PCSK1N: variants seen among roughly 807,000 people sequenced by gnomAD.
PCSK1N encodes proSAAS.
A neutral mutation model predicts 10.6 loss-of-function variants in PCSK1N; 8 were observed. That is an observed-to-expected ratio of 0.76 (90% CI 0.44 to 1.37). PCSK1N has a LOEUF of 1.37. Ranked by LOEUF, PCSK1N falls within the 40% of genes most tolerant of loss-of-function variation. The pLI is 0.00. For missense variants in PCSK1N, 301 were observed against 268.5 expected, an observed-to-expected ratio of 1.12 and a Z score of -0.84; for synonymous variants, 143 against 137.1, an observed-to-expected ratio of 1.04 and a Z score of -0.30.
chrX:48,832,987 T>C (rs1020688402), intron 1 of PCSK1N, among the ~76,000 whole-genome samples: 4 of 111,856 alleles, frequency 3.6e-5, no homozygotes, highest in Admixed American at 1.9e-4. Flanking sequence ...ACACAGAAGA[T>C]ACAGAGAATT....
intron 1 of PCSK1N, among the ~76,000 whole-genome samples, chrX:48,834,314 A>T (rs1250320134): frequency 9.0e-6 from 1 of 111,234 alleles, no homozygotes; most frequent in African/African-American, 3.3e-5. Context: ...GTTTTTTTTA[A>T]TTCCCATCTT....
chrX:48,832,862 G>A (rs2042294574), intron 1 of PCSK1N, among the ~76,000 whole-genome samples: 1 of 110,392 alleles, frequency 9.1e-6, no homozygotes, highest in African/African-American at 3.3e-5. Flanking sequence ...TCTGAGCAAG[G>A]AATAAAAGAT....
chrX:48,834,401 A>C, intron 1 of PCSK1N: 14 of 151,207 alleles, frequency 9.3e-5, no homozygotes, highest in South Asian at 2.9e-4. Context: ...CTCCTCAGTC[A>C]CCCCGGGGTA....
intron 1 of PCSK1N, 65 bp from the exon 2 acceptor site, chrX:48,832,406 C>G (rs1394033649): frequency 1.1e-6 from 1 of 921,113 alleles, no homozygotes; most frequent in African/African-American, 2.1e-5. Context: ...ACCCCCAGCC[C>G]GGGAAGCTTC....
intron 1 of PCSK1N, among the ~76,000 whole-genome samples, chrX:48,835,051 G>A (rs2063182852): frequency 9.0e-6 from 1 of 111,604 alleles, no homozygotes; most frequent in Non-Finnish European, 1.9e-5. Flanking sequence ...CACTTTCAAG[G>A]ACACGACACC....
In PCSK1N at chrX:48,832,289, G is replaced by A. The variant is rs1002013414; in HGVS notation, c.167C>T (p.Pro56Leu). 154 of 1,149,340 alleles carry A rather than the reference G, an allele frequency of 1.3e-4. No homozygotes were observed. The highest frequency in any genetic ancestry group is 1.6e-4 in the Non-Finnish European group (143 of 867,547). The allele number at this position is 1,149,340 out of a possible 1,213,427, so 94.7% of individuals were successfully genotyped here. A position where few individuals can be genotyped will look rare whatever the true frequency, so the allele number is the denominator to read the frequency against. The stretch of plus-strand genomic sequence containing the variant: ...GGGCACTGACCGCCGGAAGCGGCGA[G>A]GAGCGCCAGTCTCAGCCAAGGGCGG... Reference protein sequence around the residue: ...ASPPLAETGAPRRFRRSVPRG... With the variant: ...ASPPLAETGALRRFRRSVPRG... The change falls in exon 2 of 3, where the codon CCT (proline) becomes CTT (leucine). Residue 56 changes from proline to leucine, a missense_variant. Transcript: ENST00000218230.
Position 48,831,917 on chromosome X carries a change from G to C in PCSK1N, c.539C>G (p.Ala180Gly), listed in dbSNP as rs2147403768. 9.2e-7 allele frequency: 1 copy of C among 1,087,741 alleles called. No homozygotes were observed. The highest frequency in any genetic ancestry group is 1.2e-6 in the Non-Finnish European group (1 of 842,320). The allele number at this position is 1,087,741 out of a possible 1,213,427, so 89.6% of individuals were successfully genotyped here. ...GGGTGTCTCGTCGCCTGCCTCCTCA[G>C]CATCCGGGCCCGCGGGGCCGTCGTC... ...VYDDGPAGPD[A>G]EEAGDETPDV... The change falls in exon 2 of 3, where the codon GCT (alanine) becomes GGT (glycine). Residue 180 changes from alanine to glycine, a missense_variant. By Grantham distance (60) the Ala-to-Gly change is moderately conservative. Coordinates refer to ENST00000218230, the MANE Select transcript of PCSK1N (RefSeq NM_013271.5).
rs1302253430 is a variant in PCSK1N at position 48,834,832 on chromosome X, GAC to G, written c.114+585_114+586del. The G allele has an allele frequency of 1.9e-3, 208 of 108,911 alleles. 2 individuals carry two copies. The highest frequency in any genetic ancestry group is 6.1e-3 in the African/African-American group (181 of 29,666). 9.0% of individuals were successfully genotyped at this position (108,911 alleles called of 1,213,427 possible). ...ACACACACACACACAGAGAGAGAGA[GAC>G]AGAGAGAGAGAGAGAGAGACACGCC... On this transcript the variant is annotated intron_variant, in intron 1 of 2. Transcript: ENST00000218230.
In PCSK1N at chrX:48,832,115, C is replaced by A; in HGVS notation, c.341G>T (p.Gly114Val). ...RVLAQLLRVW[G>V]APRNSDPALG... Reference sequence around the variant, plus strand: ...AGCCGGATCAGAGTTGCGGGGGGCGCCCCAGACGCGCAGCAGCTGCGCCAG... The same window carrying A: ...AGCCGGATCAGAGTTGCGGGGGGCGACCCAGACGCGCAGCAGCTGCGCCAG... Residue 114 changes from glycine (G) to valine (V), a missense_variant, in exon 2 of 3, where the codon GGC (glycine) becomes GTC (valine). By Grantham distance (109) the Gly-to-Val change is moderately radical (BLOSUM62 -3). Transcript: ENST00000218230. 1 of 1,125,311 alleles carries A rather than the reference C, an allele frequency of 8.9e-7. No homozygotes were observed. The highest frequency in any genetic ancestry group is 3.7e-5 in the East Asian group (1 of 27,390). 92.7% of individuals were successfully genotyped at this position (1,125,311 alleles called of 1,213,427 possible). A position where few individuals can be genotyped will look rare whatever the true frequency, so the allele number is the denominator to read the frequency against.
Position 48,831,445 on chromosome X carries a change from C to T in PCSK1N, c.598G>A (p.Gly200Arg). 9.3e-7 allele frequency: 1 copy of T among 1,073,014 alleles called. No homozygotes were observed. Among genetic ancestry groups the T allele is most frequent in the South Asian group, 2.4e-5 (1 of 41,899 alleles). The allele number at this position is 1,073,014 out of a possible 1,213,427, so 88.4% of individuals were successfully genotyped here. Residue 200 changes from glycine to arginine, a missense_variant, in exon 3 of 3, where the codon GGA (glycine) becomes AGA (arginine). By Grantham distance (125) the Gly-to-Arg change is moderately radical (BLOSUM62 -2). Coordinates refer to ENST00000218230, the MANE Select transcript of PCSK1N (RefSeq NM_013271.5). Reference sequence around the variant, plus strand: ...TCCGCGCTTCCCGCAAGAATCCGTCCCAGCAAGTACCTGCAGGGCCGAGCG... The same window carrying T: ...TCCGCGCTTCCCGCAAGAATCCGTCTCAGCAAGTACCTGCAGGGCCGAGCG... Reference protein sequence around the residue: ...VDPELLRYLLGRILAGSADSE... With the variant: ...VDPELLRYLLRRILAGSADSE...
chrX:48,835,428 C>T lies in PCSK1N; in HGVS notation c.105G>A (p.Arg35=). Residue 35 remains arginine (R), a synonymous_variant, in exon 1 of 3, where the codon CGG becomes CGA. Transcript: ENST00000218230. ...CGGACTGGGGTCGCACCTTTACCGG[C>T]CGCGCGCAGAGCGCGGGGGGCGGCC... ...LFRPPPALCA[R]PVKEPRGLSA... The T allele has an allele frequency of 1.1e-6, 1 of 927,860 alleles. No homozygotes were observed. Among genetic ancestry groups the T allele is most frequent in the Non-Finnish European group, 1.3e-6 (1 of 742,365 alleles). 76.5% of individuals were successfully genotyped at this position (927,860 alleles called of 1,213,427 possible).
At position 48,832,223 on chromosome X, in the gene PCSK1N, G is replaced by A. The variant is rs782696353; in HGVS notation, c.233C>T (p.Ala78Val). The change falls in exon 2 of 3, where the codon GCG becomes GTG. Residue 78 changes from alanine (A) to valine (V), a missense_variant. Coordinates refer to ENST00000218230, the MANE Select transcript of PCSK1N (RefSeq NM_013271.5). ...TTCGGCCTCCAGCAGATGCGCCAGC[G>A]CCCGCGCCAGCTCCTGCACCGCCCC... The part of the protein sequence containing the change: ...AAGAVQELAR[A>V]LAHLLEAERQ... 2.6e-6 allele frequency: 3 copies of A among 1,152,763 alleles called. No homozygotes were observed. Among genetic ancestry groups the A allele is most frequent in the East Asian group, 3.3e-5 (1 of 30,131 alleles).
chrX:48,832,122 C>A lies in PCSK1N; in HGVS notation c.334G>T (p.Val112Phe). ...QARVLAQLLR[V>F]WGAPRNSDPA... ...TCAGAGTTGCGGGGGGCGCCCCAGA[C>A]GCGCAGCAGCTGCGCCAGGACGCGC... Residue 112 changes from valine to phenylalanine, a missense_variant, in exon 2 of 3, where the codon GTC (valine) becomes TTC (phenylalanine). Physicochemically the swap from Val to Phe is conservative, Grantham distance 50. Transcript: ENST00000218230. 1.8e-6 allele frequency: 2 copies of A among 1,125,897 alleles called. No individual in the cohort carries two copies. The highest frequency in any genetic ancestry group is 2.0e-5 in the South Asian group (1 of 49,236). 92.8% of individuals were successfully genotyped at this position (1,125,897 alleles called of 1,213,427 possible).
Position 48,831,238 on chromosome X carries a change from G to C in PCSK1N, c.*22C>G. 3.5e-6 allele frequency: 4 copies of C among 1,143,324 alleles called. No individual in the cohort carries two copies. Among genetic ancestry groups the C allele is most frequent in the Non-Finnish European group, 4.7e-6 (4 of 856,862 alleles). 94.2% of individuals were successfully genotyped at this position (1,143,324 alleles called of 1,213,427 possible). A position where few individuals can be genotyped will look rare whatever the true frequency, so the allele number is the denominator to read the frequency against. ...GGCGGGGGCACTTCTGGGTCCCAGG[G>C]TGCACGGGATCCGGGCAGTGCTCAG... On this transcript the variant is annotated 3_prime_UTR_variant, in exon 3 of 3. Transcript: ENST00000218230.
Position 48,831,890 on chromosome X carries a change from T to G in PCSK1N, c.566A>C (p.Asp189Ala). The change falls in exon 2 of 3, where the codon GAC (aspartate) becomes GCC (alanine). Residue 189 changes from aspartate (D) to alanine (A), a missense_variant. Asp to Ala is a moderately radical substitution (Grantham distance 126). Transcript: ENST00000218230. ...DAEEAGDETP[D>A]VDPELLRYLL... Reference sequence around the variant, plus strand: ...GCACCTCAACAGCTCGGGGTCCACGTCGGGTGTCTCGTCGCCTGCCTCCTC... The same window carrying G: ...GCACCTCAACAGCTCGGGGTCCACGGCGGGTGTCTCGTCGCCTGCCTCCTC... The G allele has an allele frequency of 9.2e-7, 1 of 1,083,833 alleles. No individual in the cohort carries two copies. Among genetic ancestry groups the G allele is most frequent in the Non-Finnish European group, 1.2e-6 (1 of 839,520 alleles). 89.3% of individuals were successfully genotyped at this position (1,083,833 alleles called of 1,213,427 possible).
chrX:48,832,546 A>AACCC (rs2063176669), intron 1 of PCSK1N, among the ~76,000 whole-genome samples: 1 of 61,933 alleles, frequency 1.6e-5, no homozygotes, highest in African/African-American at 6.3e-5. Context: ...ATCCCCAGAC[A>AACCC]CCCCCCACCC....
chrX:48,832,401 C>A, intron 1 of PCSK1N, 60 bp from the exon 2 acceptor site: 1 of 959,236 alleles, frequency 1.0e-6, no homozygotes. Context: ...CAGGGACCCC[C>A]AGCCCGGGAA....
intron 1 of PCSK1N, chrX:48,834,830 G>GAC (rs2063182404): frequency 9.1e-6 from 1 of 109,550 alleles, no homozygotes; most frequent in Non-Finnish European, 1.9e-5. Flanking sequence ...CAGAGAGAGA[G>GAC]AGACAGAGAG....
In PCSK1N at chrX:48,835,528, G is replaced by C; in HGVS notation, c.5C>G (p.Ala2Gly). The C allele has an allele frequency of 1.1e-6, 1 of 882,162 alleles. No individual in the cohort carries two copies. Among genetic ancestry groups the C allele is most frequent in the Non-Finnish European group, 1.4e-6 (1 of 706,208 alleles). The allele number at this position is 882,162 out of a possible 1,213,427, so 72.7% of individuals were successfully genotyped here. A position where few individuals can be genotyped will look rare whatever the true frequency, so the allele number is the denominator to read the frequency against. The change falls in exon 1 of 3, where the codon GCG becomes GGG. Residue 2 changes from alanine (A) to glycine (G), a missense_variant. Transcript: ENST00000218230. The part of the protein sequence containing the change: M[A>G]GSPLLWGPRA... ...CGGCCCCCAGAGCAGCGGCGACCCC[G>C]CCATGCTGCCCCAGCGAGCCGGGCT...
Sources: allele counts gnomAD v4.1 joint callset (sites outside exome capture counted in the v4.1 genomes callset), GRCh38; gene constraint gnomAD v4.1.1; transcripts MANE v1.5; gene names NCBI Gene and HGNC (gene_info 2026-07-23, HGNC 2026-07-21).